IL1RAPL2: variants seen among roughly 807,000 people sequenced by gnomAD.
IL1RAPL2 encodes interleukin 1 receptor accessory protein like 2, also known as X-linked interleukin-1 receptor accessory protein-like 2.
In IL1RAPL2, 3 loss-of-function variants were observed where a neutral mutation model predicts 44.1. The observed-to-expected ratio is 0.07, with a 90% CI of 0.03 to 0.18. The LOEUF (loss-of-function observed/expected upper bound fraction) is 0.18, where lower values mean the gene tolerates loss of function less well. IL1RAPL2 is among the 10% of genes least tolerant of loss of function. The pLI is 1.00. For synonymous variants in IL1RAPL2, 181 were observed against 178.8 expected (o/e 1.01, Z -0.10); for missense variants, 391 against 496.4 (o/e 0.79, Z 2.02).
At chrX:105,293,420 C>A (rs1456491324) in intron 5 of IL1RAPL2, among the ~76,000 whole-genome samples, 1 of 111,608 alleles carries the variant, frequency 9.0e-6, no homozygotes, top group African/African-American at 3.3e-5. Flanking sequence ...ATTGCTGGAT[C>A]AAAGGTTATA....
At chrX:105,739,810 C>T (rs762626825) in intron 7 of IL1RAPL2, among the ~76,000 whole-genome samples, 154 of 96,400 alleles carry the variant, frequency 1.6e-3, no homozygotes, top group African/African-American at 5.4e-3. Context: ...AGTAAACATA[C>T]GTGTGCATGT....
intron 2 of IL1RAPL2, among the ~76,000 whole-genome samples, chrX:104,996,145 G>A (rs2147734146): frequency 8.9e-6 from 1 of 111,862 alleles, no homozygotes; most frequent in East Asian, 2.8e-4. Context: ...TGCTCAACAA[G>A]GAAGTATATA....
intron 6 of IL1RAPL2, among the ~76,000 whole-genome samples, chrX:105,708,912 T>C (rs764314585): frequency 6.2e-5 from 7 of 112,320 alleles, no homozygotes; most frequent in Non-Finnish European, 7.5e-5. Context: ...ATCATGTGTA[T>C]TTAATTTTAA....
At chrX:104,739,630 G>A (rs1932070160) in intron 2 of IL1RAPL2, among the ~76,000 whole-genome samples, 3 of 111,917 alleles carry the variant, frequency 2.7e-5, no homozygotes, top group Non-Finnish European at 5.6e-5. Context: ...GGAGAGAACA[G>A]GGTTGAGTCC....
At chrX:105,039,932 T>A (rs1602912953) in intron 2 of IL1RAPL2, among the ~76,000 whole-genome samples, 1 of 110,647 alleles carries the variant, frequency 9.0e-6, no homozygotes, top group Non-Finnish European at 1.9e-5. Flanking sequence ...ATAGGAGTGG[T>A]GAGAGAGGGC....
At chrX:105,152,595 A>G (rs1439257686) in intron 2 of IL1RAPL2, among the ~76,000 whole-genome samples, 1 of 112,214 alleles carries the variant, frequency 8.9e-6, no homozygotes, top group African/African-American at 3.2e-5. Flanking sequence ...AAAACTTTCA[A>G]ATTCCTGAAT....
chrX:105,493,844 T>C (rs1259256587), intron 6 of IL1RAPL2, among the ~76,000 whole-genome samples: 1 of 111,797 alleles, frequency 8.9e-6, no homozygotes, highest in Non-Finnish European at 1.9e-5. Flanking sequence ...AAAATAGAAA[T>C]TATTAAGAGC....
At chrX:105,115,783 G>A (rs904615563) in intron 2 of IL1RAPL2, among the ~76,000 whole-genome samples, 4 of 113,002 alleles carry the variant, frequency 3.5e-5, no homozygotes, top group African/African-American at 9.6e-5. Context: ...GATGGGACTG[G>A]GCGCCCTGGA....
intron 1 of IL1RAPL2, among the ~76,000 whole-genome samples, chrX:104,631,966 T>C (rs1231345614): frequency 9.0e-6 from 1 of 111,088 alleles, no homozygotes. Flanking sequence ...AGGGTTTTTA[T>C]GGTTTTAGGT....
chrX:104,729,340 G>A (rs1206573768), intron 2 of IL1RAPL2, among the ~76,000 whole-genome samples: 1 of 110,099 alleles, frequency 9.1e-6, no homozygotes, highest in Non-Finnish European at 1.9e-5. Context: ...CTATTGGTTG[G>A]AGGGTTGTTG....
chrX:104,635,725 A>G (rs1929786123), intron 1 of IL1RAPL2, among the ~76,000 whole-genome samples: 1 of 111,151 alleles, frequency 9.0e-6, no homozygotes. Context: ...TGCATTGGTT[A>G]TTCTAGTTAG....
At chrX:105,108,359 C>T (rs917489008) in intron 2 of IL1RAPL2, among the ~76,000 whole-genome samples, 12 of 111,781 alleles carry the variant, frequency 1.1e-4, no homozygotes, top group Non-Finnish European at 2.1e-4. Flanking sequence ...GAGATGGAGT[C>T]TCACTCTGTT....
At chrX:105,343,876 T>A (rs936044792) in intron 5 of IL1RAPL2, among the ~76,000 whole-genome samples, 7 of 101,367 alleles carry the variant, frequency 6.9e-5, no homozygotes, top group Non-Finnish European at 1.1e-4. Context: ...ATTGTCAAAG[T>A]TTTCTTTTTT....
At chrX:104,617,744 T>C (rs2148006656) in intron 1 of IL1RAPL2, among the ~76,000 whole-genome samples, 1 of 112,163 alleles carries the variant, frequency 8.9e-6, no homozygotes, top group South Asian at 3.7e-4. Flanking sequence ...CTTCATTTCC[T>C]GGATTGATTT....
intron 2 of IL1RAPL2, among the ~76,000 whole-genome samples, chrX:104,672,893 T>C (rs1291159517): frequency 2.7e-5 from 3 of 112,295 alleles, no homozygotes. Flanking sequence ...CATAAATGTC[T>C]TCTTTTGAGA....
At chrX:105,334,727 CTG>C (rs1442073901) in intron 5 of IL1RAPL2, among the ~76,000 whole-genome samples, 1 of 110,784 alleles carries the variant, frequency 9.0e-6, no homozygotes, top group Non-Finnish European at 1.9e-5. Flanking sequence ...TCTTACTAAA[CTG>C]TGTTTTCACA....
intron 2 of IL1RAPL2, among the ~76,000 whole-genome samples, chrX:104,917,347 T>C (rs1369802934): frequency 8.9e-6 from 1 of 112,220 alleles, no homozygotes; most frequent in African/African-American, 3.2e-5. Context: ...AAACAATTCC[T>C]CATTAGATTT....
chrX:105,287,120 A>G (rs1220062223), intron 5 of IL1RAPL2, among the ~76,000 whole-genome samples: 2 of 111,922 alleles, frequency 1.8e-5, no homozygotes, highest in African/African-American at 6.5e-5. Flanking sequence ...TGAAATTGCT[A>G]TGGCGGAAAG....
chrX:104,691,043 T>G, intron 2 of IL1RAPL2, among the ~76,000 whole-genome samples: 1 of 111,917 alleles, frequency 8.9e-6, no homozygotes, highest in Admixed American at 9.5e-5. Context: ...AGTGTAAGAA[T>G]GATTTTGGCT....
Sources: allele counts gnomAD v4.1 joint callset (sites outside exome capture counted in the v4.1 genomes callset), GRCh38; gene constraint gnomAD v4.1.1; transcripts MANE v1.5; gene names NCBI Gene and HGNC (gene_info 2026-07-23, HGNC 2026-07-21).